HIPK2: variants seen among roughly 807,000 people sequenced by gnomAD.
The protein encoded by HIPK2 is homeodomain-interacting protein kinase 2.
Under a neutral mutation model 113.7 loss-of-function variants are expected in HIPK2, and 27 were observed. The observed-to-expected ratio is 0.24, with a 90% confidence interval of 0.17 to 0.33. The LOEUF is 0.33. HIPK2 is among the 10% of genes least tolerant of loss of function. The pLI, the probability that HIPK2 is intolerant of heterozygous loss-of-function variation, is 1.00. For synonymous variants in HIPK2, 631 were observed against 642.2 expected (o/e 0.98, Z 0.26); for missense variants, 1,257 against 1,588.0 (o/e 0.79, Z 3.54).
At chr7:139,610,773 T>C (rs914026062) in intron 9 of HIPK2, among the ~76,000 whole-genome samples, 4 of 152,236 alleles carry the variant, frequency 2.6e-5, no homozygotes, top group Admixed American at 2.6e-4. Flanking sequence ...TCATTTGCCA[T>C]GGATCCACAG....
In HIPK2 at chr7:139,600,562, T is replaced by G. The variant is rs993398535; in HGVS notation, c.2290A>C (p.Ile764Leu). Residue 764 changes from isoleucine (I) to leucine (L), a missense_variant, in exon 11 of 15, where the codon ATC (isoleucine) becomes CTC (leucine). This residue lies in a region of HIPK2 where 862 missense variants were observed against 1,004.3 expected (regional missense o/e 0.86). Coordinates refer to ENST00000406875, the MANE Select transcript of HIPK2 (RefSeq NM_022740.5). Reference sequence around the variant, plus strand: ...GTCAATAGTGCAGGCTGCTGCATGATGGGATTATAATGGCTTCCGTGAGCA... The same window carrying G: ...GTCAATAGTGCAGGCTGCTGCATGAGGGGATTATAATGGCTTCCGTGAGCA... ...THAHGSHYNP[I>L]MQQPALLTGH... The G allele has an allele frequency of 9.9e-6, 16 of 1,613,812 alleles. No individual in the cohort carries two copies. Among genetic ancestry groups the G allele is most frequent in the Non-Finnish European group, 1.3e-5 (15 of 1,179,876 alleles).
Position 139,716,602 on chromosome 7 carries a change from G to T in HIPK2, c.433C>A (p.Gln145Lys). 1 of 1,614,006 alleles carries T rather than the reference G, an allele frequency of 6.2e-7. No individual in the cohort carries two copies. The highest frequency in any genetic ancestry group is 8.5e-7 in the Non-Finnish European group (1 of 1,179,900). ...SEEIENTSSVQIIEEHPPMIQ... is the reference protein window; with the variant it reads ...SEEIENTSSVKIIEEHPPMIQ... The stretch of plus-strand genomic sequence containing the variant: ...ATGGGTGGATGCTCCTCGATGATCT[G>T]CACGCTGCTTGTGTTCTCGATCTCC... The change falls in exon 2 of 15, where the codon CAG becomes AAG. Residue 145 changes from glutamine (Q) to lysine (K), a missense_variant. Around this residue, in one of 5 missense-constraint regions of HIPK2, gnomAD observed 209 missense variants for 237.8 expected, o/e 0.88. Coordinates refer to ENST00000406875, the MANE Select transcript of HIPK2 (RefSeq NM_022740.5). This position sits in a 1 kb window ranked among gnomAD's most constrained non-coding sequence, Gnocchi z 9.3.
At chr7:139,679,377 A>AG (rs1802617513) in intron 2 of HIPK2, among the ~76,000 whole-genome samples, 1 of 152,306 alleles carries the variant, frequency 6.6e-6, no homozygotes, top group Non-Finnish European at 1.5e-5. Flanking sequence ...TGAATTTTGA[A>AG]GGGGACCCAT....
At chr7:139,760,171 T>A (rs2117139710) in intron 1 of HIPK2, among the ~76,000 whole-genome samples, 1 of 152,100 alleles carries the variant, frequency 6.6e-6, no homozygotes. Flanking sequence ...CCCAGCTAAT[T>A]TTTTTGTATT....
chr7:139,671,772 G>A (rs1585359483), intron 2 of HIPK2, among the ~76,000 whole-genome samples: 1 of 152,086 alleles, frequency 6.6e-6, no homozygotes, highest in Non-Finnish European at 1.5e-5. Context: ...GGCTGGTCTC[G>A]AACGACCTCA....
chr7:139,573,273 T>A lies in HIPK2; in HGVS notation c.3251A>T (p.His1084Leu), dbSNP rs1585224313. 1.2e-6 allele frequency: 2 copies of A among 1,604,416 alleles called. No homozygotes were observed. The highest frequency in any genetic ancestry group is 4.5e-5 in the East Asian group (2 of 44,854). The change falls in exon 15 of 15, where the codon CAC (histidine) becomes CTC (leucine). Residue 1084 changes from histidine (H) to leucine (L), a missense_variant. By Grantham distance (99) the His-to-Leu change is moderately conservative. Transcript: ENST00000406875. The stretch of plus-strand genomic sequence containing the variant: ...GGCAGCGGCTGCAGCCAGATGCGGG[T>A]GCACAGTGCCGTGGCTGGGGCTGTT... Reference protein sequence around the residue: ...PHNSPSHGTVHPHLAAAAAAA... With the variant: ...PHNSPSHGTVLPHLAAAAAAA...
At chr7:139,616,266 A>G (rs12532939) in intron 7 of HIPK2, among the ~76,000 whole-genome samples, 14,755 of 152,192 alleles carry the variant, frequency 0.097, 961 homozygotes, top group Non-Finnish European at 0.14. Context: ...TAAGGCCCTG[A>G]CTAGAAATGT....
intron 12 of HIPK2, among the ~76,000 whole-genome samples, chr7:139,588,194 T>C (rs1448409188): frequency 6.6e-6 from 1 of 152,072 alleles, no homozygotes; most frequent in African/African-American, 2.4e-5. Context: ...GGTGTGCACC[T>C]GTAATCCCAG....
At chr7:139,655,398 G>A (rs566195013) in intron 2 of HIPK2, among the ~76,000 whole-genome samples, 2 of 152,208 alleles carry the variant, frequency 1.3e-5, no homozygotes, top group Non-Finnish European at 2.9e-5. Flanking sequence ...CTGTGCAAGA[G>A]GCTCCCGCCG....
At chr7:139,614,924 T>A (rs1408851203) in intron 7 of HIPK2, among the ~76,000 whole-genome samples, 1 of 152,226 alleles carries the variant, frequency 6.6e-6, no homozygotes, top group Admixed American at 6.5e-5. Flanking sequence ...TTGGGTTCTG[T>A]GCTGACACAT....
intron 2 of HIPK2, among the ~76,000 whole-genome samples, chr7:139,672,679 C>T (rs1246496060): frequency 2.0e-5 from 3 of 152,224 alleles, no homozygotes; most frequent in South Asian, 2.1e-4. Context: ...AGGCTGGTCT[C>T]GAACTCCTGA....
At chr7:139,761,780 A>G (rs1796468243) in intron 1 of HIPK2, among the ~76,000 whole-genome samples, 2 of 152,232 alleles carry the variant, frequency 1.3e-5, no homozygotes, top group Non-Finnish European at 2.9e-5. Flanking sequence ...ACAAGGTATT[A>G]AACGAGATGA....
intron 2 of HIPK2, among the ~76,000 whole-genome samples, chr7:139,697,863 A>ATTTT (rs1206821973): frequency 8.1e-5 from 11 of 135,310 alleles, no homozygotes; most frequent in Admixed American, 2.2e-4. Flanking sequence ...TCTTAATGGA[A>ATTTT]TTTTTTTTTT....
chr7:139,591,401 G>A (rs1799018565), intron 12 of HIPK2, among the ~76,000 whole-genome samples: 1 of 152,142 alleles, frequency 6.6e-6, no homozygotes, highest in African/African-American at 2.4e-5. Flanking sequence ...TGGCCTGGGA[G>A]TTTTGACTCA....
chr7:139,759,923 T>C (rs2117138805), intron 1 of HIPK2, among the ~76,000 whole-genome samples: 1 of 152,306 alleles, frequency 6.6e-6, no homozygotes, highest in South Asian at 2.1e-4. Context: ...TATTTTAACT[T>C]TCCAATATCA....
At chr7:139,744,326 C>T (rs1796155407) in intron 1 of HIPK2, among the ~76,000 whole-genome samples, 1 of 152,232 alleles carries the variant, frequency 6.6e-6, no homozygotes, top group Admixed American at 6.5e-5. Context: ...CAAAAGATCA[C>T]ACATTGTCTG....
chr7:139,713,723 A>C, intron 2 of HIPK2, among the ~76,000 whole-genome samples: 1 of 152,264 alleles, frequency 6.6e-6, no homozygotes, highest in Non-Finnish European at 1.5e-5. Flanking sequence ...CCCTGAATTC[A>C]GGCCAAGAAC....
intron 13 of HIPK2, 133 bp from the exon 14 acceptor site, chr7:139,575,421 A>G: frequency 1.9e-6 from 2 of 1,046,190 alleles, no homozygotes; most frequent in South Asian, 3.3e-5. Context: ...AATCAGCCTC[A>G]TCTCCCCCGG....
intron 7 of HIPK2, among the ~76,000 whole-genome samples, chr7:139,616,703 C>A (rs561925039): frequency 6.6e-6 from 1 of 152,318 alleles, no homozygotes; most frequent in Non-Finnish European, 1.5e-5. Context: ...AGCCTTCTAG[C>A]CCAGCTCCTG....
Sources: gnomAD v4.1 joint callset for allele counts (sites outside exome capture counted in the v4.1 genomes callset) on GRCh38, gnomAD v4.1.1 for gene constraint, gnomAD v4.1.1 regional missense constraint, Gnocchi (gnomAD v3.1) non-coding constraint, MANE v1.5 for transcripts, NCBI Gene and HGNC (gene_info 2026-07-23, HGNC 2026-07-21) for gene names.